The following SYT13 variants were observed in gnomAD, a reference collection of about 807,000 sequenced individuals.
The protein encoded by SYT13 is synaptotagmin-13.
In SYT13, 21 loss-of-function variants were observed where a neutral mutation model predicts 38.6. That is an observed-to-expected ratio of 0.54 (90% CI 0.39 to 0.78). The LOEUF is 0.78. SYT13 is among the 30% of genes least tolerant of loss of function. The pLI is 0.00. For missense variants in SYT13, 495 were observed against 548.7 expected (o/e 0.90, Z 0.98); for synonymous variants, 241 against 237.6 (o/e 1.01, Z -0.13).
intron 1 of SYT13, among the ~76,000 whole-genome samples, chr11:45,263,645 G>A (rs539484056): frequency 3.3e-4 from 51 of 152,328 alleles, no homozygotes; most frequent in Non-Finnish European, 6.0e-4. Context: ...CCGCCAAGGG[G>A]GTAGTGAGGC....
At chr11:45,257,146 C>T (rs1341521764) in intron 1 of SYT13, among the ~76,000 whole-genome samples, 1 of 152,210 alleles carries the variant, frequency 6.6e-6, no homozygotes, top group Non-Finnish European at 1.5e-5. Flanking sequence ...GGGAATCTTT[C>T]TTTTCAAAAA....
At chr11:45,267,467 C>A (rs1244450565) in intron 1 of SYT13, among the ~76,000 whole-genome samples, 1 of 152,076 alleles carries the variant, frequency 6.6e-6, no homozygotes. Context: ...GATTCCCAGG[C>A]CCCCCAGAGG....
rs201498374 is a variant in SYT13, at chr11:45,273,596, T to C, written c.183+12429A>G. Among the ~76,000 whole-genome samples, 5 of 152,358 alleles carry C rather than the reference T, an allele frequency of 3.3e-5. No homozygotes were observed. The East Asian group carries it at 9.6e-4, about 29-fold the overall frequency. ...TCTAGCACTTACTACATTCTGTGTA[T>C]AACTGTGTGATGAACATCTCTCCCT... On this transcript the variant is annotated intron_variant, in intron 1 of 5. Transcript: ENST00000020926.
intron 1 of SYT13, among the ~76,000 whole-genome samples, chr11:45,261,216 A>G (rs569239764): frequency 1.4e-4 from 22 of 152,370 alleles, no homozygotes; most frequent in African/African-American, 4.8e-4. Context: ...ACAGAAAATA[A>G]CAAACATTGG....
chr11:45,270,643 T>C (rs1854938144), intron 1 of SYT13, among the ~76,000 whole-genome samples: 1 of 152,230 alleles, frequency 6.6e-6, no homozygotes, highest in Non-Finnish European at 1.5e-5. Flanking sequence ...TTGATAAGCT[T>C]TTCTTCATGG....
At chr11:45,263,211 G>C (rs1402335724) in intron 1 of SYT13, among the ~76,000 whole-genome samples, 3 of 152,198 alleles carry the variant, frequency 2.0e-5, no homozygotes, top group Non-Finnish European at 4.4e-5. Context: ...CCCACTACAG[G>C]CCAGGTCCTA....
chr11:45,254,835 G>A (rs1003981057), intron 2 of SYT13, among the ~76,000 whole-genome samples: 4 of 152,200 alleles, frequency 2.6e-5, no homozygotes, highest in African/African-American at 4.8e-5. Flanking sequence ...ATGTTTCGAC[G>A]GGGCATGGTG....
chr11:45,254,244 C>G (rs1005763391), intron 3 of SYT13, 26 bp downstream of exon 3: 2 of 1,590,990 alleles, frequency 1.3e-6, no homozygotes, highest in Non-Finnish European at 1.7e-6. Context: ...ACACAGAAGC[C>G]CACGAGAGTC....
In SYT13 at chr11:45,280,506, C is replaced by T. The variant is rs116206323; in HGVS notation, c.183+5519G>A. On this transcript the variant is annotated intron_variant, in intron 1 of 5. Coordinates refer to ENST00000020926, the MANE Select transcript of SYT13 (RefSeq NM_020826.3). ...CACTTTTTAATAAAAACCTTACTGACGTATAACTGCAGACAGAAAAGTACA... is the reference window on the plus strand; with the variant it reads ...CACTTTTTAATAAAAACCTTACTGATGTATAACTGCAGACAGAAAAGTACA... 6.8e-3 allele frequency among the ~76,000 whole-genome samples: 1,040 copies of T among 152,248 alleles called. 15 individuals carry two copies. Among genetic ancestry groups the T allele is most frequent in the African/African-American group, 0.024 (994 of 41,534 alleles).
At chr11:45,269,533 T>C (rs1325417490) in intron 1 of SYT13, 2 of 1,216,682 alleles carry the variant, frequency 1.6e-6, no homozygotes, top group East Asian at 1.1e-4. Context: ...ACAAACTTTA[T>C]TGTATTTAAT....
At chr11:45,246,244 C>T (rs913624448) in intron 5 of SYT13, 139 bp downstream of exon 5, 8 of 1,251,776 alleles carry the variant, frequency 6.4e-6, no homozygotes, top group East Asian at 2.5e-5. Flanking sequence ...TGAAGAACAC[C>T]GCTGAGCATG....
chr11:45,274,914 A>T (rs1321856938), intron 1 of SYT13, among the ~76,000 whole-genome samples: 1 of 151,066 alleles, frequency 6.6e-6, no homozygotes, highest in Non-Finnish European at 1.5e-5. Context: ...GTGAAGATTT[A>T]AAAAACTCTC....
At chr11:45,254,532 A>G (rs1854719328) in intron 2 of SYT13, 128 bp from the exon 3 acceptor site, 1 of 1,334,584 alleles carries the variant, frequency 7.5e-7, no homozygotes, top group African/African-American at 1.5e-5. Flanking sequence ...GTGCAGAATC[A>G]CAGTGGCCAC....
chr11:45,275,382 G>A (rs911732235), intron 1 of SYT13, among the ~76,000 whole-genome samples: 2 of 152,076 alleles, frequency 1.3e-5, no homozygotes, highest in African/African-American at 2.4e-5. Context: ...TCTCCTTTAC[G>A]CTTGTTTTCA....
chr11:45,274,476 C>A (rs371059729), intron 1 of SYT13, among the ~76,000 whole-genome samples: 1 of 152,340 alleles, frequency 6.6e-6, no homozygotes, highest in South Asian at 2.1e-4. Flanking sequence ...CATGTCACAT[C>A]ACTGCCTTCA....
At position 45,254,261 on chromosome 11, in the gene SYT13, G is replaced by A; in HGVS notation, c.544+9C>T. On this transcript the variant is annotated intron_variant, in intron 3 of 5. Coordinates refer to ENST00000020926, the MANE Select transcript of SYT13 (RefSeq NM_020826.3). ...ACAGAAGCCCACGAGAGTCAAATAA[G>A]AGCCATACCTTCCAGGCGAGTCACA... is the stretch of plus-strand genomic sequence containing the variant. 6.2e-7 allele frequency: 1 copy of A among 1,606,190 alleles called. No individual in the cohort carries two copies. The highest frequency in any genetic ancestry group is 2.2e-5 in the East Asian group (1 of 44,706).
chr11:45,247,156 G>A (rs990963629), intron 4 of SYT13, among the ~76,000 whole-genome samples: 5 of 152,186 alleles, frequency 3.3e-5, no homozygotes, highest in African/African-American at 9.7e-5. Context: ...ATCCCTGCAC[G>A]CAGCTTTAGA....
At chr11:45,283,529 T>A (rs1855098503) in intron 1 of SYT13, among the ~76,000 whole-genome samples, 2 of 152,224 alleles carry the variant, frequency 1.3e-5, no homozygotes, top group South Asian at 4.1e-4. Flanking sequence ...GGTTGTCTTT[T>A]CTCTATTTAC....
intron 1 of SYT13, among the ~76,000 whole-genome samples, chr11:45,260,111 A>G (rs145973014): frequency 2.7e-4 from 41 of 152,268 alleles, no homozygotes; most frequent in African/African-American, 9.6e-4. Flanking sequence ...TAGGGTAGAA[A>G]GAAACCCTCT....
Sources: gnomAD v4.1 joint callset for allele counts (sites outside exome capture counted in the v4.1 genomes callset) on GRCh38, gnomAD v4.1.1 for gene constraint, MANE v1.5 for transcripts, NCBI Gene and HGNC (gene_info 2026-07-23, HGNC 2026-07-21) for gene names.